The following EPHA6 variants were observed in gnomAD, a reference collection of about 807,000 sequenced individuals.
EPHA6 encodes ephrin type-A receptor 6.
Under a neutral mutation model 112.0 loss-of-function variants are expected in EPHA6, and 50 were observed. The ratio of observed to expected loss-of-function variants is 0.45; its 90% CI spans 0.36 to 0.56. EPHA6 has a LOEUF of 0.56. Ranked by LOEUF, EPHA6 falls within the 20% of genes least tolerant of loss-of-function variation. The pLI, the probability that EPHA6 is intolerant of heterozygous loss-of-function variation, is 0.00. For synonymous variants in EPHA6, 529 were observed against 490.7 expected, an observed-to-expected ratio of 1.08 and a Z score of -1.03; for missense variants, 1,280 against 1,417.4, an observed-to-expected ratio of 0.90 and a Z score of 1.56.
At chr3:97,564,965 T>G (rs1332844470) in intron 11 of EPHA6, among the ~76,000 whole-genome samples, 2 of 151,996 alleles carry the variant, frequency 1.3e-5, no homozygotes, top group East Asian at 3.9e-4. Context: ...GAAAAGGGAA[T>G]AGAAAATGAA....
chr3:97,529,830 A>G (rs1174161843), intron 10 of EPHA6, among the ~76,000 whole-genome samples: 1 of 152,074 alleles, frequency 6.6e-6, no homozygotes. Context: ...AAAGCTTGAC[A>G]TGAAGAAAAC....
intron 1 of EPHA6, among the ~76,000 whole-genome samples, chr3:96,827,705 G>C (rs2033756767): frequency 1.3e-5 from 2 of 152,028 alleles, no homozygotes; most frequent in Non-Finnish European, 2.9e-5. Flanking sequence ...TTTATAAAAT[G>C]GGAGAATTGG....
intron 11 of EPHA6, among the ~76,000 whole-genome samples, chr3:97,540,609 T>C (rs1396931086): frequency 6.6e-6 from 1 of 152,232 alleles, no homozygotes; most frequent in Non-Finnish European, 1.5e-5. Flanking sequence ...GGTTTTCTCC[T>C]GCCCCTAAAC....
At chr3:96,840,278 G>A (rs2034660228) in intron 1 of EPHA6, among the ~76,000 whole-genome samples, 1 of 151,972 alleles carries the variant, frequency 6.6e-6, no homozygotes, top group Non-Finnish European at 1.5e-5. Context: ...CCTTTTGTTG[G>A]CAAAATATAT....
chr3:97,439,717 T>C (rs2107270267), intron 6 of EPHA6: 2 of 640,050 alleles, frequency 3.1e-6, no homozygotes, highest in Non-Finnish European at 3.9e-6. Context: ...TCATCATGGG[T>C]TCATTTACTT....
At chr3:97,715,555 T>C (rs780200177) in intron 14 of EPHA6, among the ~76,000 whole-genome samples, 6 of 152,180 alleles carry the variant, frequency 3.9e-5, no homozygotes, top group Non-Finnish European at 7.3e-5. Flanking sequence ...CCATCAAATC[T>C]AGTAAATGAG....
rs556262531 is a variant in EPHA6, at chr3:96,888,946, GTCACATCTTGAA to G, written c.450+22059_450+22070del. On this transcript the variant is annotated intron_variant, in intron 2 of 17. Coordinates refer to ENST00000389672, the MANE Select transcript of EPHA6 (RefSeq NM_001080448.3). ...ACTGAATGCCTTTAACAGCACCCAA[GTCACATCTTGAA>G]TGCTTTGCTGCTTGGAAATTTCTTC... 3.1e-3 allele frequency among the ~76,000 whole-genome samples: 477 copies of G among 152,196 alleles called. 6 individuals are homozygous for G. The highest frequency in any genetic ancestry group is 0.011 in the African/African-American group (458 of 41,526).
At chr3:97,043,741 A>G (rs912840493) in intron 3 of EPHA6, among the ~76,000 whole-genome samples, 7 of 152,124 alleles carry the variant, frequency 4.6e-5, no homozygotes, top group African/African-American at 1.4e-4. Context: ...AAAAACCAAA[A>G]TATTTATTTT....
chr3:97,140,519 C>G (rs1365793751), intron 3 of EPHA6, among the ~76,000 whole-genome samples: 2 of 152,084 alleles, frequency 1.3e-5, no homozygotes, highest in African/African-American at 4.8e-5. Context: ...GAGATCGAGG[C>G]CTATGTTCAG....
At chr3:97,359,816 T>A (rs2108928743) in intron 5 of EPHA6, among the ~76,000 whole-genome samples, 1 of 151,748 alleles carries the variant, frequency 6.6e-6, no homozygotes, top group Admixed American at 6.5e-5. Context: ...AAGATCAGCA[T>A]GCGGTGTAAA....
chr3:97,700,799 A>G (rs568048510), intron 14 of EPHA6, among the ~76,000 whole-genome samples: 87 of 152,344 alleles, frequency 5.7e-4, no homozygotes, highest in African/African-American at 1.9e-3. Flanking sequence ...TAATCTAATC[A>G]CAATCAATAG....
intron 2 of EPHA6, among the ~76,000 whole-genome samples, chr3:96,889,367 G>C (rs1004451942): frequency 3.3e-5 from 5 of 152,138 alleles, no homozygotes; most frequent in Non-Finnish European, 5.9e-5. Flanking sequence ...TGCTAATAAA[G>C]ACGTATCCGA....
intron 5 of EPHA6, among the ~76,000 whole-genome samples, chr3:97,314,225 A>G (rs936293317): frequency 2.6e-5 from 4 of 151,446 alleles, no homozygotes; most frequent in East Asian, 1.9e-4. Context: ...ATTCTTTCCT[A>G]TTGGCCAGTG....
At chr3:97,371,322 G>A (rs2085040367) in intron 5 of EPHA6, among the ~76,000 whole-genome samples, 2 of 152,166 alleles carry the variant, frequency 1.3e-5, no homozygotes, top group Admixed American at 1.3e-4. Flanking sequence ...GGGACTGGCT[G>A]AAGCCATGGC....
intron 16 of EPHA6, among the ~76,000 whole-genome samples, chr3:97,739,365 T>C (rs534121053): frequency 6.6e-6 from 1 of 152,200 alleles, no homozygotes; most frequent in Non-Finnish European, 1.5e-5. Context: ...TTTTATTCCA[T>C]TCTAATTGCT....
At chr3:97,033,765 A>G (rs2044972046) in intron 3 of EPHA6, among the ~76,000 whole-genome samples, 1 of 151,968 alleles carries the variant, frequency 6.6e-6, no homozygotes, top group Non-Finnish European at 1.5e-5. Context: ...CAAGTAGACC[A>G]TGTATTTGAT....
At position 97,752,222 on chromosome 3, in the gene EPHA6, G is replaced by T. The variant is rs111441691; in HGVS notation, c.*3521G>T. 2 of 222,572 alleles carry T rather than the reference G, an allele frequency of 9.0e-6. No individual in the cohort carries two copies. Among genetic ancestry groups the T allele is most frequent in the African/African-American group, 2.2e-5 (1 of 44,892 alleles). The allele number at this position is 222,572 out of a possible 1,614,324, so 13.8% of individuals were successfully genotyped here. On this transcript the variant is annotated 3_prime_UTR_variant, in exon 18 of 18. Coordinates refer to ENST00000389672, the MANE Select transcript of EPHA6 (RefSeq NM_001080448.3). ...TTAAAACCTATCTCAGCCCATGAAT[G>T]GAAAACAAATCCAAATCCGATCCTT... is the stretch of plus-strand genomic sequence containing the variant.
intron 2 of EPHA6, among the ~76,000 whole-genome samples, chr3:96,961,350 ATTC>A (rs1199470997): frequency 6.6e-6 from 1 of 152,166 alleles, no homozygotes; most frequent in Non-Finnish European, 1.5e-5. Flanking sequence ...CTGCAAATTC[ATTC>A]TTCTTTACAG....
Position 97,601,971 on chromosome 3 carries a change from G to A in EPHA6, c.2513-8822G>A, listed in dbSNP as rs571997963. Among the ~76,000 whole-genome samples, 360 of 152,060 alleles carry A rather than the reference G, an allele frequency of 2.4e-3. 1 individual carries two copies. The Middle Eastern group carries it at 0.031, about 13-fold the overall frequency. ...ACATTTTTCAAGCCAGAAGTAAAGC[G>A]TAGCATTTGAAATACCACTGGAAAA... On this transcript the variant is annotated intron_variant, in intron 12 of 17. Transcript: ENST00000389672.
Sources: allele counts gnomAD v4.1 joint callset (sites outside exome capture counted in the v4.1 genomes callset), GRCh38; gene constraint gnomAD v4.1.1; transcripts MANE v1.5; gene names NCBI Gene and HGNC (gene_info 2026-07-23, HGNC 2026-07-21).